Variants in ZNF385D observed in about 807,000 individuals in gnomAD.
The protein encoded by ZNF385D is zinc finger protein 659.
ZNF385D carries 15 observed loss-of-function variants against 35.8 expected under a neutral mutation model. The observed-to-expected ratio is 0.42, with a 90% CI of 0.28 to 0.64. The LOEUF (loss-of-function observed/expected upper bound fraction) is 0.64. Among genes scored for constraint, ZNF385D ranks in the 30% least tolerant of loss-of-function variants. The probability of loss-of-function intolerance (pLI) is 0.23; values close to 1 mark genes in which losing one functional copy is unlikely to be tolerated. For synonymous variants in ZNF385D, 212 were observed against 186.8 expected (o/e 1.13, Z -1.10); for missense variants, 474 against 494.6 (o/e 0.96, Z 0.39).
intron 3 of ZNF385D, among the ~76,000 whole-genome samples, chr3:22,088,034 C>A (rs932569131): frequency 3.3e-5 from 5 of 152,126 alleles, no homozygotes. Context: ...CACTCAAAAT[C>A]GGATTCAGCA....
intron 5 of ZNF385D, among the ~76,000 whole-genome samples, chr3:21,427,922 G>C (rs1195250655): frequency 6.6e-6 from 1 of 152,010 alleles, no homozygotes; most frequent in Non-Finnish European, 1.5e-5. Context: ...GATTAAAAAT[G>C]TGGCAACATT....
chr3:22,050,281 G>A (rs1001491024), intron 3 of ZNF385D, among the ~76,000 whole-genome samples: 1 of 151,792 alleles, frequency 6.6e-6, no homozygotes, highest in African/African-American at 2.4e-5. Context: ...AAGACTGCTT[G>A]AGCCCCAGAG....
At chr3:21,864,018 C>T (rs1048252498) in intron 3 of ZNF385D, among the ~76,000 whole-genome samples, 4 of 152,064 alleles carry the variant, frequency 2.6e-5, no homozygotes, top group Non-Finnish European at 5.9e-5. Flanking sequence ...ATGGATTATA[C>T]GTTGTGTAAC....
At chr3:21,875,215 C>T (rs1236517306) in intron 3 of ZNF385D, among the ~76,000 whole-genome samples, 1 of 151,844 alleles carries the variant, frequency 6.6e-6, no homozygotes, top group Non-Finnish European at 1.5e-5. Context: ...ATTTTACTTT[C>T]TCCTTTCCAA....
chr3:21,639,346 G>A (rs2125854074), intron 2 of ZNF385D, among the ~76,000 whole-genome samples: 1 of 151,900 alleles, frequency 6.6e-6, no homozygotes, highest in East Asian at 1.9e-4. Context: ...CAGAGCTTTG[G>A]CAGCATATGA....
chr3:22,365,071 G>T (rs1696590556), intron 2 of ZNF385D, among the ~76,000 whole-genome samples: 1 of 152,014 alleles, frequency 6.6e-6, no homozygotes, highest in Non-Finnish European at 1.5e-5. Context: ...AAATAGCATG[G>T]TGGTTGCCAG....
chr3:22,111,257 G>A (rs1185231121), intron 3 of ZNF385D, among the ~76,000 whole-genome samples: 1 of 135,866 alleles, frequency 7.4e-6, no homozygotes, highest in Non-Finnish European at 1.5e-5. Context: ...TTACTTACGA[G>A]TATTCAAGAA....
intron 3 of ZNF385D, among the ~76,000 whole-genome samples, chr3:21,909,441 G>A (rs534972500): frequency 3.3e-5 from 5 of 152,176 alleles, no homozygotes; most frequent in South Asian, 4.1e-4. Flanking sequence ...AGAGAAGCCT[G>A]TTCTCTCAGC....
intron 3 of ZNF385D, among the ~76,000 whole-genome samples, chr3:21,967,731 G>T (rs1023742422): frequency 7.9e-5 from 12 of 152,210 alleles, no homozygotes; most frequent in African/African-American, 2.9e-4. Context: ...GTTCTGAACT[G>T]CCAAGGCATT....
chr3:21,890,413 G>A (rs1203052047), intron 3 of ZNF385D, among the ~76,000 whole-genome samples: 1 of 152,132 alleles, frequency 6.6e-6, no homozygotes, highest in Non-Finnish European at 1.5e-5. Context: ...GAGGTCAGGA[G>A]TTTGAGACCA....
intron 2 of ZNF385D, among the ~76,000 whole-genome samples, chr3:22,352,740 A>T (rs1285550188): frequency 6.6e-6 from 1 of 152,156 alleles, no homozygotes; most frequent in African/African-American, 2.4e-5. Flanking sequence ...TTCAGTAGAT[A>T]AAAATTTGGA....
At chr3:21,633,194 G>A (rs1010747389) in intron 2 of ZNF385D, among the ~76,000 whole-genome samples, 13 of 152,030 alleles carry the variant, frequency 8.6e-5, no homozygotes, top group Non-Finnish European at 7.4e-5. Flanking sequence ...TAATACAACA[G>A]TACAACTAAA....
intron 1 of ZNF385D, among the ~76,000 whole-genome samples, chr3:21,698,737 A>G (rs1373461093): frequency 3.3e-5 from 5 of 152,240 alleles, no homozygotes; most frequent in African/African-American, 1.2e-4. Flanking sequence ...ACATAAAAAA[A>G]AAAAGTTTAT....
Position 21,417,691 on chromosome 3 carries a change from T to C in ZNF385D, c.*3523A>G. 6.6e-6 allele frequency: 1 copy of C among 152,178 alleles called. No individual in the cohort carries two copies. The highest frequency in any genetic ancestry group is 1.5e-5 in the Non-Finnish European group (1 of 68,010). The allele number at this position is 152,178 out of a possible 1,614,324, so 9.4% of individuals were successfully genotyped here. The stretch of plus-strand genomic sequence containing the variant: ...AATAGGCACAGCCTCTTTGATTCTA[T>C]TTTGAAACTTCTGCTGTCTTTTAAT... On this transcript the variant is annotated 3_prime_UTR_variant, in exon 8 of 8. Coordinates refer to ENST00000281523, the MANE Select transcript of ZNF385D (RefSeq NM_024697.3).
intron 2 of ZNF385D, among the ~76,000 whole-genome samples, chr3:22,189,649 G>A (rs923133180): frequency 6.6e-6 from 1 of 152,166 alleles, no homozygotes; most frequent in Non-Finnish European, 1.5e-5. Flanking sequence ...TACCTAGAAA[G>A]AGGCATTACA....
intron 2 of ZNF385D, among the ~76,000 whole-genome samples, chr3:22,192,231 T>C (rs145511540): frequency 7.2e-5 from 11 of 152,168 alleles, no homozygotes; most frequent in African/African-American, 2.4e-4. Context: ...ATGCTGAGAG[T>C]TGCTTTCTTT....
intron 3 of ZNF385D, among the ~76,000 whole-genome samples, chr3:21,550,628 G>A (rs762960629): frequency 1.1e-4 from 16 of 152,160 alleles, no homozygotes; most frequent in Middle Eastern, 3.4e-3. Context: ...GATTGCAGGC[G>A]CGTGCCACCA....
intron 2 of ZNF385D, among the ~76,000 whole-genome samples, chr3:21,660,536 T>G (rs995130119): frequency 2.0e-5 from 3 of 152,154 alleles, no homozygotes; most frequent in Admixed American, 6.6e-5. Flanking sequence ...TCAGTGACAT[T>G]CTAAAAGTTT....
chr3:21,798,487 T>C (rs537268182), intron 3 of ZNF385D, among the ~76,000 whole-genome samples: 4 of 152,324 alleles, frequency 2.6e-5, no homozygotes, highest in East Asian at 1.9e-4. Flanking sequence ...GCATGGAAGC[T>C]TGCTTCTTCA....
Sources: allele counts gnomAD v4.1 joint callset (sites outside exome capture counted in the v4.1 genomes callset), GRCh38; gene constraint gnomAD v4.1.1; transcripts MANE v1.5; gene names NCBI Gene and HGNC (gene_info 2026-07-23, HGNC 2026-07-21).